The following DNM3 variants were observed in gnomAD, a reference collection of about 807,000 sequenced individuals.
The protein encoded by DNM3 is dynamin-3.
In DNM3, 47 loss-of-function variants were observed where a neutral mutation model predicts 101.6. That is an observed-to-expected ratio of 0.46 (90% confidence interval 0.37 to 0.59). The LOEUF (loss-of-function observed/expected upper bound fraction) is 0.59, where lower values mean the gene tolerates loss of function less well. Among genes scored for constraint, DNM3 ranks in the 20% least tolerant of loss-of-function variants. DNM3 has a pLI of 0.00. For missense variants in DNM3, 849 were observed against 1,085.7 expected (o/e 0.78, Z 3.06); for synonymous variants, 385 against 387.9 (o/e 0.99, Z 0.09).
chr1:171,865,375 G>A (rs540286973), intron 1 of DNM3, among the ~76,000 whole-genome samples: 1 of 152,100 alleles, frequency 6.6e-6, no homozygotes, highest in East Asian at 1.9e-4. Context: ...GAATTAGCCA[G>A]GTATAGTGGT....
chr1:172,205,906 A>C (rs936371560), intron 14 of DNM3, among the ~76,000 whole-genome samples: 5 of 152,144 alleles, frequency 3.3e-5, no homozygotes, highest in African/African-American at 1.2e-4. Context: ...ATGACATTAA[A>C]ATCTATTGAT....
At chr1:172,143,540 C>T (rs2057706921) in intron 14 of DNM3, among the ~76,000 whole-genome samples, 1 of 152,080 alleles carries the variant, frequency 6.6e-6, no homozygotes, top group Admixed American at 6.6e-5. Flanking sequence ...CCTCTTTCAC[C>T]TCCAGGACAG....
At chr1:172,403,403 C>T (rs1319305908) in intron 20 of DNM3, among the ~76,000 whole-genome samples, 1 of 152,080 alleles carries the variant, frequency 6.6e-6, no homozygotes, top group Non-Finnish European at 1.5e-5. Flanking sequence ...CCCTTAACTC[C>T]TGTTAAAATG....
chr1:172,213,517 CAAAAAA>C (rs57339395), intron 14 of DNM3, among the ~76,000 whole-genome samples: 1 of 79,392 alleles, frequency 1.3e-5, no homozygotes, highest in African/African-American at 4.6e-5. Context: ...TCCATTGTTA[CAAAAAA>C]AAAAAAAAAA....
intron 13 of DNM3, among the ~76,000 whole-genome samples, chr1:172,125,729 G>T (rs1331934366): frequency 6.6e-6 from 1 of 152,110 alleles, no homozygotes; most frequent in African/African-American, 2.4e-5. Context: ...GGGTTTGCTT[G>T]TTCTTGTTTA....
At chr1:172,233,735 C>T (rs1304940560) in intron 14 of DNM3, among the ~76,000 whole-genome samples, 1 of 152,136 alleles carries the variant, frequency 6.6e-6, no homozygotes, top group Non-Finnish European at 1.5e-5. Context: ...GCTGGTTCAA[C>T]ATATGCAAAT....
intron 20 of DNM3, 96 bp from the exon 21 acceptor site, chr1:172,407,676 G>T: frequency 8.0e-7 from 1 of 1,245,626 alleles, no homozygotes; most frequent in South Asian, 1.2e-5. Context: ...GTATGTGCAT[G>T]AGCATGTGTG....
chr1:171,943,724 G>T (rs2041969138), intron 2 of DNM3, among the ~76,000 whole-genome samples: 1 of 152,190 alleles, frequency 6.6e-6, no homozygotes. Flanking sequence ...TATAAATCAT[G>T]TGTAGCCTGA....
chr1:172,404,730 G>A (rs1004686232), intron 20 of DNM3, among the ~76,000 whole-genome samples: 23 of 152,004 alleles, frequency 1.5e-4, no homozygotes, highest in African/African-American at 5.3e-4. Flanking sequence ...CCACATTATT[G>A]TATTTTCAGA....
Position 171,987,695 on chromosome 1 carries a change from C to G in DNM3, c.275C>G (p.Thr92Arg). The change falls in exon 3 of 21, where the codon ACA becomes AGA. Residue 92 changes from threonine (T) to arginine (R), a missense_variant. This residue lies in a region of DNM3 where 388 missense variants were observed against 483.0 expected (regional missense o/e 0.80). Coordinates refer to ENST00000627582, the MANE Select transcript of DNM3 (RefSeq NM_015569.5). ...EFLHCKGKKF[T>R]DFDEVRLEIE... ...CTACATTGCAAAGGAAAGAAATTTA[C>G]AGATTTTGATGAAGTTCGCCTTGAG... 1.3e-6 allele frequency: 2 copies of G among 1,591,914 alleles called. No individual in the cohort carries two copies. The highest frequency in any genetic ancestry group is 4.5e-5 in the East Asian group (2 of 44,140).
intron 2 of DNM3, among the ~76,000 whole-genome samples, chr1:171,966,113 C>A (rs1044814418): frequency 3.3e-5 from 5 of 152,194 alleles, no homozygotes; most frequent in Non-Finnish European, 1.5e-5. Context: ...CTGTTGAAGT[C>A]CCCTTGCCCT....
At chr1:172,004,435 C>T (rs1197855423) in intron 4 of DNM3, among the ~76,000 whole-genome samples, 3 of 152,084 alleles carry the variant, frequency 2.0e-5, no homozygotes, top group South Asian at 4.2e-4. Flanking sequence ...ATACATCGTC[C>T]TCATGCACAT....
chr1:172,253,513 TC>T, intron 14 of DNM3, 59 bp from the exon 15 acceptor site: 1 of 970,280 alleles, frequency 1.0e-6, no homozygotes, highest in Non-Finnish European at 1.5e-6. Flanking sequence ...TCCTCTCCTC[TC>T]CTCTCCTCTC....
intron 14 of DNM3, among the ~76,000 whole-genome samples, chr1:172,253,192 A>C (rs532183126): frequency 6.6e-6 from 1 of 152,236 alleles, no homozygotes; most frequent in Non-Finnish European, 1.5e-5. Flanking sequence ...TAAAGTCTTA[A>C]TATCAAACTA....
chr1:172,038,630 T>C (rs1398100746), intron 7 of DNM3, among the ~76,000 whole-genome samples, 169 bp downstream of exon 7: 2 of 152,172 alleles, frequency 1.3e-5, no homozygotes, highest in Non-Finnish European at 2.9e-5. Flanking sequence ...GAACAAGAAT[T>C]ATTGGTATTA....
At chr1:172,371,187 C>T (rs956047596) in intron 17 of DNM3, among the ~76,000 whole-genome samples, 4 of 151,984 alleles carry the variant, frequency 2.6e-5, no homozygotes, top group African/African-American at 9.7e-5. Context: ...GACTTAAATA[C>T]ATTTTCCTTT....
At chr1:172,339,197 A>G (rs945853167) in intron 17 of DNM3, 4 of 309,680 alleles carry the variant, frequency 1.3e-5, no homozygotes, top group Non-Finnish European at 1.9e-5. Flanking sequence ...ACCTCTAACT[A>G]AATTTCATTC....
chr1:171,855,082 T>C (rs942308937), intron 1 of DNM3, among the ~76,000 whole-genome samples: 2 of 152,126 alleles, frequency 1.3e-5, no homozygotes, highest in Non-Finnish European at 2.9e-5. Context: ...CCTTTGTGTT[T>C]ATGAATTCTC....
chr1:172,349,267 C>T (rs2067091558), intron 17 of DNM3, among the ~76,000 whole-genome samples: 1 of 152,160 alleles, frequency 6.6e-6, no homozygotes, highest in Non-Finnish European at 1.5e-5. Flanking sequence ...TCCATTTGCA[C>T]CTCAACTTCC....
Sources: gnomAD v4.1 joint callset for allele counts (sites outside exome capture counted in the v4.1 genomes callset) on GRCh38, gnomAD v4.1.1 for gene constraint, gnomAD v4.1.1 regional missense constraint, MANE v1.5 for transcripts, NCBI Gene and HGNC (gene_info 2026-07-23, HGNC 2026-07-21) for gene names.